RUFY2: variants seen among roughly 807,000 people sequenced by gnomAD.
RUFY2 encodes the protein RUN and FYVE domain containing 2, also known as RUN and FYVE domain-containing protein 2.
A neutral mutation model predicts 94.4 loss-of-function variants in RUFY2; 49 were observed. That is an observed-to-expected ratio of 0.52 (90% CI 0.41 to 0.66). The LOEUF (loss-of-function observed/expected upper bound fraction) is 0.66, where lower values mean the gene tolerates loss of function less well. Ranked by LOEUF, RUFY2 falls within the 30% of genes least tolerant of loss-of-function variation. The pLI, the probability that RUFY2 is intolerant of heterozygous loss-of-function variation, is 0.00. For missense variants in RUFY2, 541 were observed against 692.8 expected (o/e 0.78, Z 2.46); for synonymous variants, 255 against 235.7 (o/e 1.08, Z -0.75).
Position 68,404,829 on chromosome 10 carries a change from G to A in RUFY2, c.20C>T (p.Thr7Ile). 3 of 1,569,280 alleles carry A rather than the reference G, an allele frequency of 1.9e-6. No homozygotes were observed. Among genetic ancestry groups the A allele is most frequent in the Non-Finnish European group, 2.6e-6 (3 of 1,159,164 alleles). The part of the protein sequence containing the change: MATKDP[T>I]AVERANLLNM... The stretch of plus-strand genomic sequence containing the variant: ...TAACAAGTTTGCTCTCTCTACAGCT[G>A]TGGGGTCTTTTGTAGCTGAAAACAC... Residue 7 changes from threonine to isoleucine, a missense_variant, in exon 2 of 18, where the codon ACA becomes ATA. Thr to Ile is a moderately conservative substitution (Grantham distance 89). Coordinates refer to ENST00000602465, the MANE Select transcript of RUFY2 (RefSeq NM_001330103.2).
At chr10:68,364,625 C>G (rs1273477265) in intron 13 of RUFY2, among the ~76,000 whole-genome samples, 3 of 152,136 alleles carry the variant, frequency 2.0e-5, no homozygotes, top group African/African-American at 7.2e-5. Flanking sequence ...CTGTTGGAAG[C>G]TGACCAATTA....
At chr10:68,350,626 T>C (rs2046595400) in intron 16 of RUFY2, among the ~76,000 whole-genome samples, 1 of 151,268 alleles carries the variant, frequency 6.6e-6, no homozygotes, top group Non-Finnish European at 1.5e-5. Flanking sequence ...AAGAGGAGAG[T>C]GCAATCAAGA....
intron 13 of RUFY2, among the ~76,000 whole-genome samples, chr10:68,374,092 G>A (rs1050432204): frequency 2.7e-5 from 4 of 146,836 alleles, no homozygotes; most frequent in African/African-American, 7.6e-5. Flanking sequence ...ACTCCAGGCT[G>A]GGCAAGAGTG....
chr10:68,396,711 A>G (rs2050420129), intron 4 of RUFY2, 69 bp downstream of exon 4: 1 of 998,906 alleles, frequency 1.0e-6, no homozygotes. Flanking sequence ...ATTACATCTT[A>G]AATCCTTTTT....
chr10:68,379,552 T>C, intron 11 of RUFY2, 31 bp from the exon 12 acceptor site: 1 of 1,515,316 alleles, frequency 6.6e-7, no homozygotes, highest in Non-Finnish European at 9.1e-7. Flanking sequence ...TATGGTGGTT[T>C]TGATTTGTGT....
chr10:68,385,798 G>A (rs543060019), intron 8 of RUFY2, among the ~76,000 whole-genome samples: 20 of 152,206 alleles, frequency 1.3e-4, no homozygotes, highest in African/African-American at 4.8e-4. Flanking sequence ...AAGAATTTGT[G>A]TGAGTTTCAT....
At chr10:68,384,378 T>G (rs1270000204) in intron 8 of RUFY2, among the ~76,000 whole-genome samples, 1 of 152,376 alleles carries the variant, frequency 6.6e-6, no homozygotes, top group East Asian at 1.9e-4. Flanking sequence ...TACTATTTTC[T>G]TTTATAGTTG....
Position 68,351,823 on chromosome 10 carries a change from G to C in RUFY2, c.1599+3530C>G, listed in dbSNP as rs866960788. 1.8e-4 allele frequency among the ~76,000 whole-genome samples: 27 copies of C among 151,150 alleles called. 1 individual carries two copies. Among genetic ancestry groups the C allele is most frequent in the Admixed American group, 9.8e-4 (15 of 15,250 alleles). On this transcript the variant is annotated intron_variant, in intron 16 of 17. Transcript: ENST00000602465. ...TGTAATCCCAGCACTTTGGGAGGCT[G>C]AGATGGGCAGATCACCTGAGGTCAG...
At chr10:68,381,523 C>T (rs2049054124) in intron 10 of RUFY2, 124 bp from the exon 11 acceptor site, 2 of 831,354 alleles carry the variant, frequency 2.4e-6, no homozygotes, top group African/African-American at 1.7e-5. Flanking sequence ...AGGGAATCAA[C>T]CAGGCCCTAT....
intron 15 of RUFY2, among the ~76,000 whole-genome samples, chr10:68,361,516 A>G (rs1012763384): frequency 1.3e-5 from 2 of 152,266 alleles, no homozygotes; most frequent in African/African-American, 2.4e-5. Context: ...GGTAATAAGC[A>G]CTTAGCACAG....
Position 68,407,197 on chromosome 10 carries a change from G to A in RUFY2, c.-8C>T. On this transcript the variant is annotated 5_prime_UTR_variant, in exon 1 of 18. Coordinates refer to ENST00000602465, the MANE Select transcript of RUFY2 (RefSeq NM_001330103.2). ...CCCGCTCGCCTTACCCATGGCGGCGGCGGCTGCGCGGTCTCGGGCGGAGGC... is the reference window on the plus strand; with the variant it reads ...CCCGCTCGCCTTACCCATGGCGGCGACGGCTGCGCGGTCTCGGGCGGAGGC... The A allele has an allele frequency of 3.5e-6, 5 of 1,417,416 alleles. No homozygotes were observed. The South Asian group carries it at 6.0e-5, about 17-fold the overall frequency. 87.8% of individuals were successfully genotyped at this position (1,417,416 alleles called of 1,614,324 possible).
intron 4 of RUFY2, among the ~76,000 whole-genome samples, chr10:68,396,010 T>A (rs2050363938): frequency 6.6e-6 from 1 of 152,186 alleles, no homozygotes. Context: ...TTTATTTTAT[T>A]TTTTTGAGAC....
intron 11 of RUFY2, among the ~76,000 whole-genome samples, chr10:68,379,812 ATT>A (rs57690201): frequency 1.3e-4 from 19 of 142,376 alleles, no homozygotes; most frequent in East Asian, 4.1e-4. Context: ...GCTATTAGTC[ATT>A]TTTTTTTTTT....
intron 2 of RUFY2, among the ~76,000 whole-genome samples, chr10:68,402,052 C>G (rs1037748654): frequency 6.6e-6 from 1 of 152,006 alleles, no homozygotes; most frequent in Non-Finnish European, 1.5e-5. Context: ...GTGGCCCTAG[C>G]TGATTGATCT....
chr10:68,385,477 T>A (rs928841282), intron 8 of RUFY2, among the ~76,000 whole-genome samples: 1 of 151,964 alleles, frequency 6.6e-6, no homozygotes, highest in African/African-American at 2.4e-5. Flanking sequence ...GCTTTGCACA[T>A]GAGAAGGTGG....
At chr10:68,377,080 TGAAAACAAAGTTTGGGG>T in intron 12 of RUFY2, 108 bp from the exon 13 acceptor site, 1 of 1,527,384 alleles carries the variant, frequency 6.5e-7, no homozygotes, top group Non-Finnish European at 8.7e-7. Flanking sequence ...CATTTCTAAA[TGAAAACAAAGTTTGGGG>T]GAAAACTCAC....
chr10:68,379,976 T>C (rs1474862620), intron 11 of RUFY2, among the ~76,000 whole-genome samples: 1 of 151,552 alleles, frequency 6.6e-6, no homozygotes, highest in Non-Finnish European at 1.5e-5. Flanking sequence ...CCCAGCTAAT[T>C]TTTTTGTATT....
At chr10:68,406,503 C>A (rs915882847) in intron 1 of RUFY2, among the ~76,000 whole-genome samples, 2 of 152,196 alleles carry the variant, frequency 1.3e-5, no homozygotes, top group African/African-American at 4.8e-5. Context: ...GGAGGCAGAT[C>A]GGTGCTGGGC....
In RUFY2 at chr10:68,386,870, T is replaced by TA. The variant is rs574214222; in HGVS notation, c.651-743dup. Reference sequence around the variant, plus strand: ...TCCCCTCTCCATTTTCATGAGAACTTAGAGACATCCAAAGTCAACCATGGT... The same window carrying TA: ...TCCCCTCTCCATTTTCATGAGAACTTAAGAGACATCCAAAGTCAACCATGGT... On this transcript the variant is annotated intron_variant, in intron 7 of 17. Transcript: ENST00000602465. Among the ~76,000 whole-genome samples the TA allele has an allele frequency of 1.3e-3, 204 of 152,268 alleles. 1 individual carries two copies. Among genetic ancestry groups the TA allele is most frequent in the African/African-American group, 4.7e-3 (197 of 41,568 alleles).
Sources: allele counts gnomAD v4.1 joint callset (sites outside exome capture counted in the v4.1 genomes callset), GRCh38; gene constraint gnomAD v4.1.1; transcripts MANE v1.5; gene names NCBI Gene and HGNC (gene_info 2026-07-23, HGNC 2026-07-21).